BLTP1: variants seen among roughly 807,000 people sequenced by gnomAD.
The protein encoded by BLTP1 is fragile site-associated protein.
the BLTP1 span, chr4:122,299,965 A>G: frequency 1.0e-6 from 1 of 974,530 alleles, no homozygotes; most frequent in Non-Finnish European, 1.2e-6. Flanking sequence ...GACACATATA[A>G]TCTACAAAGA....
chr4:122,215,653 G>A, the BLTP1 span: 1 of 678,728 alleles, frequency 1.5e-6, no homozygotes, highest in Non-Finnish European at 1.8e-6. Flanking sequence ...TTCTGGAGGG[G>A]AGAACTACTG....
At chr4:122,346,685 G>T in the BLTP1 span, 37 of 1,613,446 alleles carry the variant, frequency 2.3e-5, no homozygotes, top group Non-Finnish European at 3.1e-5. Flanking sequence ...TGAAATTCTG[G>T]CATTTCCAAG....
the BLTP1 span, among the ~76,000 whole-genome samples, chr4:122,216,085 G>A: frequency 6.9e-6 from 1 of 144,404 alleles, no homozygotes; most frequent in Non-Finnish European, 1.5e-5. Context: ...ATCTTTGTCT[G>A]TCTATCTATC....
At chr4:122,191,353 G>A in the BLTP1 span, among the ~76,000 whole-genome samples, 7 of 152,030 alleles carry the variant, frequency 4.6e-5, no homozygotes, top group East Asian at 1.4e-3. Context: ...GTGAAAATTA[G>A]AACTTTGGAA....
At chr4:122,219,635 A>G in the BLTP1 span, 1 of 1,092,410 alleles carries the variant, frequency 9.2e-7, no homozygotes, top group East Asian at 2.4e-5. Context: ...GATGTGAAGC[A>G]TTCAGCACAC....
At chr4:122,234,766 G>A in the BLTP1 span, 30 of 1,572,498 alleles carry the variant, frequency 1.9e-5, no homozygotes, top group African/African-American at 5.6e-5. Context: ...TTTTGGGGTC[G>A]GTTTAGGTTG....
chr4:122,277,561 A>G, the BLTP1 span: 2 of 955,856 alleles, frequency 2.1e-6, no homozygotes, highest in South Asian at 4.9e-5. Flanking sequence ...AAAGAGCAAA[A>G]GAAATCAAGA....
At chr4:122,310,635 C>T in the BLTP1 span, among the ~76,000 whole-genome samples, 1 of 152,118 alleles carries the variant, frequency 6.6e-6, no homozygotes, top group Non-Finnish European at 1.5e-5. Context: ...TGAGGATGCT[C>T]CTTTCCTCTG....
chr4:122,319,667 A>G, the BLTP1 span, among the ~76,000 whole-genome samples: 1 of 151,302 alleles, frequency 6.6e-6, no homozygotes, highest in Non-Finnish European at 1.5e-5. Flanking sequence ...CAGCCTCCCA[A>G]GTAGCTGGGA....
At chr4:122,270,162 A>C in the BLTP1 span, 1 of 155,744 alleles carries the variant, frequency 6.4e-6, no homozygotes, top group Non-Finnish European at 1.4e-5. Flanking sequence ...ATTACACTAC[A>C]ATGGGGCATT....
the BLTP1 span, among the ~76,000 whole-genome samples, chr4:122,166,906 T>G: frequency 6.6e-6 from 1 of 152,210 alleles, no homozygotes; most frequent in Non-Finnish European, 1.5e-5. Context: ...GTCCCAGGTT[T>G]TTCCAGCGGG....
At chr4:122,204,759 T>C in the BLTP1 span, 1 of 534,178 alleles carries the variant, frequency 1.9e-6, no homozygotes, top group African/African-American at 2.1e-5. Flanking sequence ...TCCCAAGTGT[T>C]AGACGCTGTG....
the BLTP1 span, among the ~76,000 whole-genome samples, chr4:122,188,690 A>G: frequency 6.6e-6 from 1 of 151,216 alleles, no homozygotes; most frequent in Non-Finnish European, 1.5e-5. Context: ...ACTCAGTGTG[A>G]TGGGATGCTG....
the BLTP1 span, among the ~76,000 whole-genome samples, chr4:122,323,695 T>C: frequency 6.6e-6 from 1 of 152,096 alleles, no homozygotes; most frequent in African/African-American, 2.4e-5. Flanking sequence ...CATGTAATTT[T>C]ATATTTTAAA....
chr4:122,355,666 C>A, the BLTP1 span: 2 of 737,666 alleles, frequency 2.7e-6, no homozygotes, highest in Non-Finnish European at 3.9e-6. Flanking sequence ...TGTAGTATAT[C>A]TATATATAAT....
the BLTP1 span, chr4:122,223,157 T>A: frequency 1.0e-6 from 1 of 972,916 alleles, no homozygotes; most frequent in Non-Finnish European, 1.2e-6. Context: ...GAAAATTGGA[T>A]CAGAAGAGCT....
chr4:122,319,949 G>A, the BLTP1 span, among the ~76,000 whole-genome samples: 1 of 152,144 alleles, frequency 6.6e-6, no homozygotes, highest in Non-Finnish European at 1.5e-5. Context: ...TTATGATGTT[G>A]TTAGATGAAG....
At chr4:122,211,146 T>G in the BLTP1 span, 1 of 1,473,560 alleles carries the variant, frequency 6.8e-7, no homozygotes, top group South Asian at 1.2e-5. Context: ...ACAAAGCAAT[T>G]AAAATTTAAT....
chr4:122,308,671 T>A, the BLTP1 span, among the ~76,000 whole-genome samples: 1 of 152,030 alleles, frequency 6.6e-6, no homozygotes, highest in South Asian at 2.1e-4. Context: ...AAGACCAATT[T>A]TCAGGAATAT....
Sources: allele counts gnomAD v4.1 joint callset (sites outside exome capture counted in the v4.1 genomes callset), GRCh38; gene constraint gnomAD v4.1.1; transcripts MANE v1.5; gene names NCBI Gene and HGNC (gene_info 2026-07-23, HGNC 2026-07-21).